The following DNAH7 variants were observed in gnomAD, a reference collection of about 807,000 sequenced individuals.
DNAH7 encodes axonemal beta dynein heavy chain 7.
A neutral mutation model predicts 444.6 loss-of-function variants in DNAH7; 397 were observed. The ratio of observed to expected loss-of-function variants is 0.89; its 90% CI spans 0.82 to 0.97. The LOEUF is 0.97. Ranked by LOEUF, DNAH7 falls within the 50% of genes least tolerant of loss-of-function variation. The pLI, the probability that DNAH7 is intolerant of heterozygous loss-of-function variation, is 0.00. For synonymous variants in DNAH7, 1,636 were observed against 1,624.4 expected (o/e 1.01, Z -0.17); for missense variants, 4,902 against 4,800.8 (o/e 1.02, Z -0.62).
rs1283071360 is a variant in DNAH7 at position 195,778,630 on chromosome 2, AAATAAATAAAT to A, written c.10879-656_10879-646del. ...CAAGACCCTGTCTGAAAAAAAAAAA[AAATAAATAAAT>A]AAATATATATATATATATATATATA... is the stretch of plus-strand genomic sequence containing the variant. On this transcript the variant is annotated intron_variant, in intron 58 of 64. Coordinates refer to ENST00000312428, the MANE Select transcript of DNAH7 (RefSeq NM_018897.3). 3.3e-4 allele frequency among the ~76,000 whole-genome samples: 8 copies of A among 24,510 alleles called. 1 individual carries two copies. Among genetic ancestry groups the A allele is most frequent in the African/African-American group, 9.6e-4 (7 of 7,298 alleles). 16.1% of individuals were successfully genotyped at this position (24,510 alleles called of 152,430 possible). A position where few individuals can be genotyped will look rare whatever the true frequency, so the allele number is the denominator to read the frequency against.
At position 195,737,840 on chromosome 2, in the gene DNAH7, A is replaced by C; in HGVS notation, c.*81T>G. 1 of 1,296,564 alleles carries C rather than the reference A, an allele frequency of 7.7e-7. No homozygotes were observed. Among genetic ancestry groups the C allele is most frequent in the Non-Finnish European group, 1.1e-6 (1 of 941,046 alleles). The allele number at this position is 1,296,564 out of a possible 1,614,324, so 80.3% of individuals were successfully genotyped here. On this transcript the variant is annotated 3_prime_UTR_variant, in exon 65 of 65. Transcript: ENST00000312428. Reference sequence around the variant, plus strand: ...GTCAAATGTATTTAAACAAACAAAAAAAAAGGTTTAAGTAGTAAAATATGC... The same window carrying C: ...GTCAAATGTATTTAAACAAACAAAACAAAAGGTTTAAGTAGTAAAATATGC...
At chr2:195,993,182 A>G (rs1198215121) in intron 12 of DNAH7, among the ~76,000 whole-genome samples, 2 of 152,038 alleles carry the variant, frequency 1.3e-5, no homozygotes. Flanking sequence ...CTCCTTTCCA[A>G]TGGGTCACTC....
chr2:195,767,233 T>C (rs528690654), intron 61 of DNAH7, among the ~76,000 whole-genome samples: 1 of 152,242 alleles, frequency 6.6e-6, no homozygotes, highest in Admixed American at 6.5e-5. Context: ...ATATGGGTAT[T>C]TCTCATTGTG....
At chr2:196,037,413 A>T (rs1696464922) in intron 5 of DNAH7, among the ~76,000 whole-genome samples, 1 of 152,212 alleles carries the variant, frequency 6.6e-6, no homozygotes, top group South Asian at 2.1e-4. Flanking sequence ...AGAAAAGGAA[A>T]TCTAAAAAAC....
At chr2:195,930,212 G>A (rs112237706) in intron 21 of DNAH7, among the ~76,000 whole-genome samples, 3,500 of 152,232 alleles carry the variant, frequency 0.023, 113 homozygotes, top group African/African-American at 0.08. Flanking sequence ...GTGTGGTGGC[G>A]CACGCCTGTA....
chr2:195,785,968 C>T (rs1695597939), intron 58 of DNAH7, among the ~76,000 whole-genome samples: 2 of 152,064 alleles, frequency 1.3e-5, no homozygotes, highest in Non-Finnish European at 2.9e-5. Flanking sequence ...GAACAAAGCT[C>T]ATTAAATTTA....
intron 57 of DNAH7, among the ~76,000 whole-genome samples, chr2:195,793,257 G>C (rs1444345315): frequency 6.6e-6 from 1 of 151,982 alleles, no homozygotes; most frequent in Admixed American, 6.6e-5. Context: ...TTTTATACTC[G>C]CATTTTTTCT....
intron 28 of DNAH7, among the ~76,000 whole-genome samples, chr2:195,898,400 TAC>T (rs144351526): frequency 0.022 from 3,312 of 152,346 alleles, 120 homozygotes; most frequent in African/African-American, 0.076. Flanking sequence ...TTCAGTTTTA[TAC>T]ACACTTCTTA....
chr2:195,987,302 G>A, intron 13 of DNAH7, 109 bp from the exon 14 acceptor site: 1 of 751,784 alleles, frequency 1.3e-6, no homozygotes, highest in Non-Finnish European at 2.0e-6. Flanking sequence ...TAACAAGATT[G>A]AGATTTTTAA....
chr2:195,911,514 A>C (rs550789801), intron 24 of DNAH7, among the ~76,000 whole-genome samples: 1 of 152,158 alleles, frequency 6.6e-6, no homozygotes, highest in African/African-American at 2.4e-5. Context: ...ACATGAATGG[A>C]AAAAGGCCCA....
chr2:196,000,986 CT>C, intron 11 of DNAH7, 103 bp from the exon 12 acceptor site: 1 of 914,576 alleles, frequency 1.1e-6, no homozygotes, highest in Non-Finnish European at 1.5e-6. Flanking sequence ...CACACTTTCT[CT>C]TATGACCCAG....
rs530850313 is a variant in DNAH7, at chr2:195,899,512, T to C, written c.4548+770A>G. Among the ~76,000 whole-genome samples, 20 of 152,308 alleles carry C rather than the reference T, an allele frequency of 1.3e-4. No homozygotes were observed. In the South Asian group the frequency reaches 4.1e-3, roughly 32 times the overall value. On this transcript the variant is annotated intron_variant, in intron 28 of 64. Coordinates refer to ENST00000312428, the MANE Select transcript of DNAH7 (RefSeq NM_018897.3). ...TTGTTTATTGCAACAAACAATGACC[T>C]GAAGTTATGTCAGGCTAATGTGAAA...
intron 10 of DNAH7, among the ~76,000 whole-genome samples, chr2:196,012,040 A>G (rs182286006): frequency 2.0e-3 from 298 of 152,296 alleles, no homozygotes; most frequent in African/African-American, 6.8e-3. Context: ...ATTCTAACAC[A>G]TTGGAGAAGA....
intron 14 of DNAH7, among the ~76,000 whole-genome samples, chr2:195,986,275 A>C (rs1319859751): frequency 1.3e-5 from 2 of 152,190 alleles, no homozygotes; most frequent in Admixed American, 6.5e-5. Flanking sequence ...AACTTCCTTC[A>C]GCAGTTTTAT....
chr2:196,045,729 A>G (rs1255726083), intron 5 of DNAH7, among the ~76,000 whole-genome samples: 1 of 152,150 alleles, frequency 6.6e-6, no homozygotes, highest in Non-Finnish European at 1.5e-5. Flanking sequence ...ATGTAGTTTT[A>G]AATGTTAGGG....
chr2:195,748,260 T>C (rs562948139), intron 63 of DNAH7, among the ~76,000 whole-genome samples: 1 of 152,302 alleles, frequency 6.6e-6, no homozygotes, highest in South Asian at 2.1e-4. Flanking sequence ...ATAAAATACC[T>C]AGGAATCCAG....
At chr2:196,062,880 G>A (rs1698207802) in intron 1 of DNAH7, among the ~76,000 whole-genome samples, 1 of 152,056 alleles carries the variant, frequency 6.6e-6, no homozygotes, top group African/African-American at 2.4e-5. Flanking sequence ...GCATGGTTTT[G>A]TTTTTGTTTT....
intron 24 of DNAH7, among the ~76,000 whole-genome samples, chr2:195,919,407 CA>C (rs1687885985): frequency 6.6e-6 from 1 of 151,868 alleles, no homozygotes; most frequent in Admixed American, 6.6e-5. Context: ...TGCAGTGGCA[CA>C]ATCTCGGCTC....
intron 63 of DNAH7, among the ~76,000 whole-genome samples, chr2:195,746,715 T>G (rs1322053958): frequency 2.0e-5 from 3 of 152,078 alleles, no homozygotes; most frequent in Non-Finnish European, 4.4e-5. Context: ...CTCAACTACA[T>G]GGAAACTCAA....
Sources: allele counts gnomAD v4.1 joint callset (sites outside exome capture counted in the v4.1 genomes callset), GRCh38; gene constraint gnomAD v4.1.1; transcripts MANE v1.5; gene names NCBI Gene and HGNC (gene_info 2026-07-23, HGNC 2026-07-21).